Variants in TEAD1 observed in about 807,000 individuals in gnomAD.
The protein encoded by TEAD1 is TEA domain transcription factor 1.
A neutral mutation model predicts 54.9 loss-of-function variants in TEAD1; 9 were observed. That is an observed-to-expected ratio of 0.16 (90% CI 0.10 to 0.29). The LOEUF (loss-of-function observed/expected upper bound fraction) is 0.29, where lower values mean the gene tolerates loss of function less well. Among genes scored for constraint, TEAD1 ranks in the 10% least tolerant of loss-of-function variants. The pLI is 1.00. For missense variants in TEAD1, 387 were observed against 535.9 expected (o/e 0.72, Z 2.74); for synonymous variants, 200 against 187.8 (o/e 1.07, Z -0.53).
intron 2 of TEAD1, among the ~76,000 whole-genome samples, chr11:12,716,021 C>T (rs1944054080): frequency 6.6e-6 from 1 of 151,904 alleles, no homozygotes; most frequent in African/African-American, 2.4e-5. Flanking sequence ...CCACCTTCCC[C>T]CCAAGACTGA....
chr11:12,748,050 C>T (rs1590110621), intron 2 of TEAD1, among the ~76,000 whole-genome samples: 1 of 151,982 alleles, frequency 6.6e-6, no homozygotes, highest in South Asian at 2.1e-4. Context: ...CAACCTCCAC[C>T]TCCTGGGTTC....
At chr11:12,709,006 C>A (rs1435842812) in intron 2 of TEAD1, among the ~76,000 whole-genome samples, 1 of 152,202 alleles carries the variant, frequency 6.6e-6, no homozygotes, top group Non-Finnish European at 1.5e-5. Context: ...CTACTTCCTA[C>A]TTCTCTGTAT....
At chr11:12,828,071 G>C (rs1946692503) in intron 3 of TEAD1, 1 of 152,226 alleles carries the variant, frequency 6.6e-6, no homozygotes, top group South Asian at 2.1e-4. Flanking sequence ...GGAGCTAGTT[G>C]TCGGTTTACT....
intron 12 of TEAD1, among the ~76,000 whole-genome samples, chr11:12,931,076 G>C (rs553245394): frequency 7.8e-4 from 119 of 152,260 alleles, no homozygotes; most frequent in African/African-American, 2.8e-3. Flanking sequence ...GACCAGCCTG[G>C]GTGACATAGT....
chr11:12,874,826 T>C (rs73409208), intron 5 of TEAD1, among the ~76,000 whole-genome samples: 1,752 of 152,256 alleles, frequency 0.012, 35 homozygotes, highest in African/African-American at 0.04. Flanking sequence ...TGGGGTTCAG[T>C]TGGAAAAGGG....
At chr11:12,902,448 G>T (rs1160816982) in intron 10 of TEAD1, among the ~76,000 whole-genome samples, 2 of 152,228 alleles carry the variant, frequency 1.3e-5, no homozygotes, top group African/African-American at 4.8e-5. Context: ...AAACAGAATT[G>T]CTTTGCCCAG....
At chr11:12,841,275 T>C (rs2134034527) in intron 3 of TEAD1, among the ~76,000 whole-genome samples, 1 of 152,300 alleles carries the variant, frequency 6.6e-6, no homozygotes, top group South Asian at 2.1e-4. Context: ...CTGTCTTTTT[T>C]CCCTCCTTTG....
chr11:12,694,988 A>G (rs574308172), intron 2 of TEAD1, among the ~76,000 whole-genome samples: 11 of 152,386 alleles, frequency 7.2e-5, no homozygotes, highest in East Asian at 5.8e-4. Context: ...ATAGCTGGCA[A>G]TAGCTCAGAA....
intron 2 of TEAD1, among the ~76,000 whole-genome samples, chr11:12,719,892 G>A (rs560134383): frequency 1.0e-4 from 15 of 148,638 alleles, no homozygotes; most frequent in Non-Finnish European, 2.2e-4. Context: ...AGTCCAGGTG[G>A]CATGATCTGT....
At chr11:12,887,593 C>T (rs1033111543) in intron 9 of TEAD1, among the ~76,000 whole-genome samples, 2 of 152,146 alleles carry the variant, frequency 1.3e-5, no homozygotes, top group Non-Finnish European at 2.9e-5. Context: ...ACAAACACAA[C>T]GTGCTATTAC....
chr11:12,884,238 A>C (rs181618213), intron 9 of TEAD1, among the ~76,000 whole-genome samples: 178 of 151,088 alleles, frequency 1.2e-3, no homozygotes, highest in African/African-American at 4.0e-3. Flanking sequence ...CCCTTTCTTC[A>C]CACCCACTCC....
At chr11:12,711,376 G>C (rs1943935647) in intron 2 of TEAD1, among the ~76,000 whole-genome samples, 1 of 152,184 alleles carries the variant, frequency 6.6e-6, no homozygotes, top group Non-Finnish European at 1.5e-5. Flanking sequence ...TTTGTCTAAT[G>C]CCACTTTAAG....
At chr11:12,927,860 A>G (rs948930312) in intron 11 of TEAD1, among the ~76,000 whole-genome samples, 3 of 152,172 alleles carry the variant, frequency 2.0e-5, no homozygotes, top group Admixed American at 6.5e-5. Context: ...CCATCTTAGC[A>G]AATTCTCATA....
At chr11:12,813,041 T>C (rs1221059212) in intron 3 of TEAD1, among the ~76,000 whole-genome samples, 1 of 152,218 alleles carries the variant, frequency 6.6e-6, no homozygotes, top group Non-Finnish European at 1.5e-5. Flanking sequence ...CAGATGCTCC[T>C]AGTGAACTTT....
At chr11:12,905,786 GCCTGACTCTTA>G (rs71037094) in intron 10 of TEAD1, among the ~76,000 whole-genome samples, 44,846 of 151,748 alleles carry the variant, frequency 0.3, 6,981 homozygotes, top group East Asian at 0.61. Flanking sequence ...GTCAGTATCA[GCCTGACTCTTA>G]CCTGTTTATT....
At chr11:12,878,674 T>C (rs1347583097) in intron 5 of TEAD1, among the ~76,000 whole-genome samples, 5 of 152,136 alleles carry the variant, frequency 3.3e-5, no homozygotes, top group Admixed American at 3.3e-4. Flanking sequence ...TCTCAATCAT[T>C]GCCTTTCTAG....
chr11:12,675,257 C>A (rs1590040741), intron 1 of TEAD1, among the ~76,000 whole-genome samples, 152 bp from the exon 2 acceptor site: 1 of 151,932 alleles, frequency 6.6e-6, no homozygotes. Context: ...AGCCCGGAGC[C>A]GGCCTGCACC....
chr11:12,704,070 C>G (rs1021079797), intron 2 of TEAD1, among the ~76,000 whole-genome samples: 9 of 152,188 alleles, frequency 5.9e-5, no homozygotes, highest in African/African-American at 1.9e-4. Context: ...GTCAGAGATA[C>G]ATATATTTAT....
chr11:12,869,999 C>T (rs1175443521), intron 5 of TEAD1, among the ~76,000 whole-genome samples: 1 of 152,174 alleles, frequency 6.6e-6, no homozygotes, highest in Non-Finnish European at 1.5e-5. Context: ...CCTGCCTCAG[C>T]CTCCCAAGTA....
Sources: allele counts gnomAD v4.1 joint callset (sites outside exome capture counted in the v4.1 genomes callset), GRCh38; gene constraint gnomAD v4.1.1; transcripts MANE v1.5; gene names NCBI Gene and HGNC (gene_info 2026-07-23, HGNC 2026-07-21).